Variants in YWHAZ observed in about 807,000 individuals in gnomAD.
The protein encoded by YWHAZ is tyrosine 3-monooxygenase/tryptophan 5-monooxygenase activation protein zeta.
For synonymous variants in YWHAZ, 87 were observed against 103.6 expected (o/e 0.84, Z 0.97); for missense variants, 79 against 284.8 (o/e 0.28, Z 5.20).
intron 2 of YWHAZ, among the ~76,000 whole-genome samples, chr8:100,926,251 G>A (rs957159580): frequency 1.3e-5 from 2 of 150,450 alleles, no homozygotes; most frequent in Admixed American, 6.6e-5. Context: ...CAGATGAAGT[G>A]GCAGTAGGGC....
rs1812886544 is a variant in YWHAZ at position 100,919,642 on chromosome 8, G to C, written c.*1051C>G. The C allele has an allele frequency of 6.6e-6, 1 of 152,376 alleles. No individual in the cohort carries two copies. The highest frequency in any genetic ancestry group is 1.5e-5 in the Non-Finnish European group (1 of 67,876). 9.4% of individuals were successfully genotyped at this position (152,376 alleles called of 1,614,324 possible). ...CAAAAAATGTACAATTTCCTTTAGA[G>C]AAGTTTCAGAACCAAGACTAATTTA... On this transcript the variant is annotated 3_prime_UTR_variant, in exon 6 of 6. Transcript: ENST00000395958.
Position 100,948,229 on chromosome 8 carries a change from T to C in YWHAZ, c.294+367A>G. 13 of 1,221,114 alleles carry C rather than the reference T, an allele frequency of 1.1e-5. No homozygotes were observed. The highest frequency in any genetic ancestry group is 1.3e-5 in the Non-Finnish European group (12 of 897,794). 75.6% of individuals were successfully genotyped at this position (1,221,114 alleles called of 1,614,324 possible). ...TATTACATCTCTCTTACCTAAAGTA[T>C]GTAAAATTCCTTTATCCACAGATGT... On this transcript the variant is annotated intron_variant, in intron 2 of 5. Coordinates refer to ENST00000395958, the MANE Select transcript of YWHAZ (RefSeq NM_145690.3). This position sits in a 1 kb window ranked among gnomAD's most constrained non-coding sequence, Gnocchi z 4.2.
intron 2 of YWHAZ, among the ~76,000 whole-genome samples, chr8:100,934,634 G>A (rs1814006905): frequency 6.6e-6 from 1 of 152,114 alleles, no homozygotes; most frequent in Non-Finnish European, 1.5e-5. Flanking sequence ...CCAGGAGGCA[G>A]AGGTTGTGCC....
At chr8:100,923,684 G>A (rs184688697) in intron 5 of YWHAZ, 2 of 264,964 alleles carry the variant, frequency 7.5e-6, no homozygotes, top group Non-Finnish European at 1.4e-5. Flanking sequence ...ACTAAAACAT[G>A]TAGAGTCTCA....
chr8:100,933,728 C>A (rs1003405901), intron 2 of YWHAZ, among the ~76,000 whole-genome samples: 1 of 152,048 alleles, frequency 6.6e-6, no homozygotes, highest in African/African-American at 2.4e-5. Context: ...GACTAACGGC[C>A]AGGTGTGGTG....
At chr8:100,921,653 C>A (rs1285352232) in intron 5 of YWHAZ, among the ~76,000 whole-genome samples, 1 of 152,216 alleles carries the variant, frequency 6.6e-6, no homozygotes, top group Non-Finnish European at 1.5e-5. Flanking sequence ...CTTGCCATTA[C>A]TTTAAATGGC....
At chr8:100,953,097 C>A (rs932062227), upstream of YWHAZ, 7 of 990,742 alleles carry the variant, frequency 7.1e-6, no homozygotes, top group Non-Finnish European at 8.4e-6. Flanking sequence ...GCCAGAGTTC[C>A]GAGGGGAAAG....
intron 2 of YWHAZ, among the ~76,000 whole-genome samples, chr8:100,940,298 G>A (rs1431406075): frequency 6.6e-6 from 1 of 151,996 alleles, no homozygotes; most frequent in African/African-American, 2.4e-5. Flanking sequence ...TAGTTAAAAC[G>A]CCTCATTTTT....
rs917691060 is a variant in YWHAZ at position 100,951,362 on chromosome 8, C to A, written c.-12+567G>T. The A allele has an allele frequency of 1.3e-5, 13 of 984,258 alleles. No homozygotes were observed. The African/African-American group carries it at 2.3e-4, about 17-fold the overall frequency. 61.0% of individuals were successfully genotyped at this position (984,258 alleles called of 1,614,324 possible). On this transcript the variant is annotated intron_variant, in intron 1 of 5. Coordinates refer to ENST00000395958, the MANE Select transcript of YWHAZ (RefSeq NM_145690.3). ...CACCGCCTCCCGGGGTGGGGGAGGG[C>A]CGGGTCCCGCCGCCGCAGCGCCCAG...
chr8:100,943,060 T>C (rs1281079663), intron 2 of YWHAZ, among the ~76,000 whole-genome samples: 2 of 152,242 alleles, frequency 1.3e-5, no homozygotes. Flanking sequence ...CAACAGCTTG[T>C]AATCTGAAAA....
At position 100,919,173 on chromosome 8, in the gene YWHAZ, A is replaced by G. The variant is rs762866086; in HGVS notation, c.*1520T>C. 1 of 152,418 alleles carries G rather than the reference A, an allele frequency of 6.6e-6. No individual in the cohort carries two copies. The highest frequency in any genetic ancestry group is 1.5e-5 in the Non-Finnish European group (1 of 68,040). 9.4% of individuals were successfully genotyped at this position (152,418 alleles called of 1,614,324 possible). On this transcript the variant is annotated 3_prime_UTR_variant, in exon 6 of 6. Coordinates refer to ENST00000395958, the MANE Select transcript of YWHAZ (RefSeq NM_145690.3). ...CCTTTTTCCAAGTACATGGCCACCA[A>G]GTAAGAATGGTTGGTGACAAGACAG... is the stretch of plus-strand genomic sequence containing the variant.
intron 2 of YWHAZ, among the ~76,000 whole-genome samples, chr8:100,934,323 C>CTTTTT (rs11398423): frequency 6.9e-6 from 1 of 144,692 alleles, no homozygotes; most frequent in Non-Finnish European, 1.5e-5. Flanking sequence ...GAGACCCTAT[C>CTTTTT]TTTTTTTTTT....
upstream of YWHAZ, chr8:100,952,060 A>C: frequency 1.0e-6 from 1 of 988,368 alleles, no homozygotes; most frequent in Non-Finnish European, 1.2e-6. Flanking sequence ...CGCTCCGCAG[A>C]CACGGGGTTT....
rs1272750017 is a variant in YWHAZ at position 100,920,460 on chromosome 8, C to T, written c.*233G>A. On this transcript the variant is annotated 3_prime_UTR_variant, in exon 6 of 6. Coordinates refer to ENST00000395958, the MANE Select transcript of YWHAZ (RefSeq NM_145690.3). ...ACACTTATAACTTGTATAAAAATTC[C>T]ACATCCCCATATTGGCCACCTCAAG... 3.0e-5 allele frequency: 16 copies of T among 539,174 alleles called. No individual in the cohort carries two copies. The highest frequency in any genetic ancestry group is 5.2e-5 in the Non-Finnish European group (16 of 306,032). 33.4% of individuals were successfully genotyped at this position (539,174 alleles called of 1,614,324 possible). A position where few individuals can be genotyped will look rare whatever the true frequency, so the allele number is the denominator to read the frequency against.
intron 2 of YWHAZ, among the ~76,000 whole-genome samples, chr8:100,947,115 G>A (rs936661456): frequency 1.1e-4 from 16 of 151,504 alleles, no homozygotes; most frequent in African/African-American, 2.9e-4. Context: ...TTAGCCGGGC[G>A]CAGTGGCAGG....
At chr8:100,950,689 C>T (rs1184734447) in intron 1 of YWHAZ, 1 of 802,316 alleles carries the variant, frequency 1.2e-6, no homozygotes, top group Non-Finnish European at 1.5e-6. Context: ...AGCGAAGCCG[C>T]CCGACCCCGG....
upstream of YWHAZ, chr8:100,952,753 G>A (rs1563697004): frequency 1.0e-6 from 1 of 987,464 alleles, no homozygotes; most frequent in East Asian, 1.2e-4. Context: ...TGTGTGTGGT[G>A]CGCTGCCCCC....
At chr8:100,932,660 A>G (rs1813837486) in intron 2 of YWHAZ, among the ~76,000 whole-genome samples, 3 of 152,206 alleles carry the variant, frequency 2.0e-5, no homozygotes, top group Admixed American at 2.0e-4. Context: ...TCGAATACCT[A>G]GGTCTGAATA....
chr8:100,921,952 T>C (rs1400689468), intron 5 of YWHAZ, among the ~76,000 whole-genome samples: 1 of 152,200 alleles, frequency 6.6e-6, no homozygotes, highest in Non-Finnish European at 1.5e-5. Flanking sequence ...TATTTTTATA[T>C]TCCCCAAATC....
Sources: allele counts gnomAD v4.1 joint callset (sites outside exome capture counted in the v4.1 genomes callset), GRCh38; gene constraint gnomAD v4.1.1; non-coding constraint Gnocchi (gnomAD v3.1); transcripts MANE v1.5; gene names NCBI Gene and HGNC (gene_info 2026-07-23, HGNC 2026-07-21).